RGS7: variants seen among roughly 807,000 people sequenced by gnomAD.
RGS7 encodes regulator of G-protein signaling 7.
Under a neutral mutation model 81.1 loss-of-function variants are expected in RGS7, and 27 were observed. That is an observed-to-expected ratio of 0.33 (90% CI 0.25 to 0.46). The LOEUF (loss-of-function observed/expected upper bound fraction) is 0.46. RGS7 is among the 20% of genes least tolerant of loss of function. RGS7 has a pLI of 1.00. For missense variants in RGS7, 396 were observed against 607.4 expected (o/e 0.65, Z 3.66); for synonymous variants, 208 against 207.7 (o/e 1.00, Z -0.01).
intron 2 of RGS7, among the ~76,000 whole-genome samples, chr1:241,111,309 T>C (rs1201207802): frequency 6.6e-6 from 1 of 152,192 alleles, no homozygotes; most frequent in Non-Finnish European, 1.5e-5. Context: ...CATTTTACAG[T>C]ATGAGAATTT....
intron 3 of RGS7, among the ~76,000 whole-genome samples, chr1:241,079,692 A>T (rs537874119): frequency 3.0e-4 from 45 of 152,312 alleles, no homozygotes; most frequent in African/African-American, 1.1e-3. Flanking sequence ...AAAACAGTAG[A>T]TTATACATGC....
intron 2 of RGS7, among the ~76,000 whole-genome samples, chr1:241,231,367 G>A (rs1402533298): frequency 2.0e-5 from 3 of 152,012 alleles, no homozygotes; most frequent in Non-Finnish European, 2.9e-5. Context: ...TATAAATGTG[G>A]AGTGTCTTCC....
intron 3 of RGS7, among the ~76,000 whole-genome samples, chr1:241,018,274 T>C (rs1375033944): frequency 1.3e-5 from 2 of 150,330 alleles, no homozygotes; most frequent in Non-Finnish European, 3.0e-5. Context: ...TGAGCCACCA[T>C]ACCCTGCCTC....
intron 2 of RGS7, among the ~76,000 whole-genome samples, chr1:241,198,839 G>A (rs189536038): frequency 6.6e-6 from 1 of 152,118 alleles, no homozygotes; most frequent in Non-Finnish European, 1.5e-5. Context: ...TTTTTTTGAG[G>A]TTACCATAAT....
intron 3 of RGS7, among the ~76,000 whole-genome samples, chr1:241,062,793 C>A (rs1246700341): frequency 1.3e-5 from 2 of 152,144 alleles, no homozygotes; most frequent in Non-Finnish European, 2.9e-5. Context: ...TCAGGAAACA[C>A]CGTAGAGTAT....
chr1:241,276,468 G>T (rs1419118789), intron 2 of RGS7, among the ~76,000 whole-genome samples: 1 of 152,150 alleles, frequency 6.6e-6, no homozygotes, highest in Non-Finnish European at 1.5e-5. Context: ...GTAGGAAATG[G>T]CTTAGAAGTG....
In RGS7 at chr1:240,875,122, C is replaced by T. The variant is rs187761521; in HGVS notation, c.386-5003G>A. On this transcript the variant is annotated intron_variant, in intron 6 of 18. Coordinates refer to ENST00000440928, the MANE Select transcript of RGS7 (RefSeq NM_001364886.1). ...GTATTAATGGTAACTATCATCATCC[C>T]GCTATACAACAGTCTTCCAGAACTT... 1.8e-3 allele frequency among the ~76,000 whole-genome samples: 268 copies of T among 152,238 alleles called. 1 individual carries two copies. Among genetic ancestry groups the T allele is most frequent in the African/African-American group, 5.9e-3 (244 of 41,548 alleles).
At chr1:241,108,177 G>A (rs566920242) in intron 2 of RGS7, among the ~76,000 whole-genome samples, 4 of 151,970 alleles carry the variant, frequency 2.6e-5, no homozygotes, top group East Asian at 3.9e-4. Context: ...AGTGACGCGC[G>A]CCTGTAATCC....
chr1:240,933,095 G>T (rs1202363372), intron 5 of RGS7, among the ~76,000 whole-genome samples: 4 of 150,062 alleles, frequency 2.7e-5, no homozygotes, highest in South Asian at 2.1e-4. Context: ...TGTTAGCCAG[G>T]ATGGTCTCCA....
chr1:241,163,977 C>T lies in RGS7; in HGVS notation c.79-65215G>A, dbSNP rs139883270. On this transcript the variant is annotated intron_variant, in intron 2 of 18. Coordinates refer to ENST00000440928, the MANE Select transcript of RGS7 (RefSeq NM_001364886.1). The surrounding 1 kb of genome is among the most constrained non-coding windows in gnomAD (Gnocchi z 4.6). Reference sequence around the variant, plus strand: ...CCAAGAATGCCCCTTGCTTCTGACGCGAATTACAAGTCCCAGTTTATTTCA... The same window carrying T: ...CCAAGAATGCCCCTTGCTTCTGACGTGAATTACAAGTCCCAGTTTATTTCA... 5.8e-4 allele frequency among the ~76,000 whole-genome samples: 88 copies of T among 152,222 alleles called. No homozygotes were observed. The highest frequency in any genetic ancestry group is 1.8e-3 in the African/African-American group (74 of 41,536).
At chr1:241,224,146 T>C (rs1187107003) in intron 2 of RGS7, among the ~76,000 whole-genome samples, 1 of 152,040 alleles carries the variant, frequency 6.6e-6, no homozygotes, top group African/African-American at 2.4e-5. Context: ...GTGCAGAACA[T>C]GCAGTTTTGT....
rs116549583 is a variant in RGS7, at chr1:240,972,119, T to G, written c.226+10960A>C. Among the ~76,000 whole-genome samples the G allele has an allele frequency of 5.6e-3, 853 of 152,256 alleles. 10 individuals carry two copies. The highest frequency in any genetic ancestry group is 0.02 in the African/African-American group (820 of 41,542). On this transcript the variant is annotated intron_variant, in intron 4 of 18. Coordinates refer to ENST00000440928, the MANE Select transcript of RGS7 (RefSeq NM_001364886.1). ...ATCAAATCCAAGGAAATACATTACT[T>G]TATTCCAAAAGACATTATGTAATGT...
chr1:241,186,913 G>C (rs2103343730), intron 2 of RGS7, among the ~76,000 whole-genome samples: 1 of 152,144 alleles, frequency 6.6e-6, no homozygotes, highest in Non-Finnish European at 1.5e-5. Flanking sequence ...GCAGATGATG[G>C]GTCTTGAGGT....
chr1:241,057,120 C>T (rs11582153), intron 3 of RGS7, among the ~76,000 whole-genome samples: 27,248 of 151,044 alleles, frequency 0.18, 2,853 homozygotes, highest in Non-Finnish European at 0.24. Flanking sequence ...TTTTTTTTGG[C>T]TGGGGAGAGA....
At chr1:240,853,543 G>A (rs1383223575) in intron 9 of RGS7, among the ~76,000 whole-genome samples, 1 of 152,076 alleles carries the variant, frequency 6.6e-6, no homozygotes, top group African/African-American at 2.4e-5. Flanking sequence ...AATATCACTT[G>A]CAAAAATTGG....
chr1:241,296,082 T>TTAA (rs1220332437), intron 2 of RGS7, among the ~76,000 whole-genome samples: 7 of 152,180 alleles, frequency 4.6e-5, no homozygotes, highest in Non-Finnish European at 1.5e-5. Flanking sequence ...GAGAGAAGCC[T>TTAA]GGGCTGGTGG....
intron 3 of RGS7, among the ~76,000 whole-genome samples, chr1:241,037,728 A>G (rs2060406138): frequency 6.6e-6 from 1 of 152,032 alleles, no homozygotes; most frequent in African/African-American, 2.4e-5. Context: ...CTCAAAAAAA[A>G]AAAAAAAAGT....
At chr1:241,135,859 G>T (rs566562196) in intron 2 of RGS7, among the ~76,000 whole-genome samples, 42 of 150,450 alleles carry the variant, frequency 2.8e-4, no homozygotes, top group African/African-American at 1.0e-3. Flanking sequence ...CACAACCTCC[G>T]CCTCCCGGGT....
At chr1:241,161,610 A>G (rs1485693034) in intron 2 of RGS7, among the ~76,000 whole-genome samples, 1 of 150,478 alleles carries the variant, frequency 6.6e-6, no homozygotes, top group East Asian at 1.9e-4. Flanking sequence ...ATAATAACTA[A>G]TATTCAATTT....
Sources: allele counts gnomAD v4.1 joint callset (sites outside exome capture counted in the v4.1 genomes callset), GRCh38; gene constraint gnomAD v4.1.1; non-coding constraint Gnocchi (gnomAD v3.1); transcripts MANE v1.5; gene names NCBI Gene and HGNC (gene_info 2026-07-23, HGNC 2026-07-21).